The following THTPA variants were observed in gnomAD, a reference collection of about 807,000 sequenced individuals.
THTPA encodes the protein thiamine-triphosphatase.
A neutral mutation model predicts 16.5 loss-of-function variants in THTPA; 16 were observed. That is an observed-to-expected ratio of 0.97 (90% CI 0.66 to 1.47). The LOEUF (loss-of-function observed/expected upper bound fraction) is 1.47, where lower values mean the gene tolerates loss of function less well. THTPA is among the 40% of genes most tolerant of loss of function. The pLI is 0.00. For synonymous variants in THTPA, 110 were observed against 115.5 expected (o/e 0.95, Z 0.30); for missense variants, 281 against 280.9 (o/e 1.00, Z 0.00).
chr14:23,520,134 G>A, the THTPA span, among the ~76,000 whole-genome samples: 2 of 152,108 alleles, frequency 1.3e-5, no homozygotes, highest in African/African-American at 4.8e-5. The surrounding 1 kb of genome is among the most constrained non-coding windows in gnomAD (Gnocchi z 8.7). Flanking sequence ...GGTTCCCTTG[G>A]TGATAACACC....
chr14:23,556,923 C>T lies in THTPA; in HGVS notation c.166C>T (p.Arg56Ter), dbSNP rs778817597. The T allele has an allele frequency of 6.2e-7, 1 of 1,614,032 alleles. No individual in the cohort carries two copies. Among genetic ancestry groups the T allele is most frequent in the South Asian group, 1.1e-5 (1 of 91,072 alleles). ...SLMQADHWLR[R>*]REDSGWELKC... ...CATGCAGGCTGACCACTGGCTGCGA[C>T]GACGAGAGGATAGTGGATGGGAGCT... Residue 56 changes from arginine (R) to a stop codon, truncating the protein, a stop_gained, in exon 1 of 2, where the codon CGA becomes TGA. Coordinates refer to ENST00000288014, the MANE Select transcript of THTPA (RefSeq NM_024328.6). LOFTEE classifies it high-confidence loss of function.
upstream of THTPA, chr14:23,556,054 G>T (rs1595210855): frequency 6.6e-6 from 1 of 152,502 alleles, no homozygotes; most frequent in African/African-American, 2.4e-5. Flanking sequence ...CAGCCCCCGG[G>T]AGCCGTGCGG....
the THTPA span, chr14:23,524,828 G>A: frequency 6.5e-7 from 1 of 1,536,746 alleles, no homozygotes. The surrounding 1 kb of genome is among the most constrained non-coding windows in gnomAD (Gnocchi z 5.6). Flanking sequence ...CCCTCTCTCT[G>A]CCTCTTCCTC....
the THTPA span, chr14:23,531,778 G>T: frequency 7.8e-7 from 1 of 1,274,448 alleles, no homozygotes; most frequent in Non-Finnish European, 9.9e-7. Flanking sequence ...AGACCTCAGG[G>T]GACTTTTTTT....
At chr14:23,522,349 G>A in the THTPA span, 29 of 1,535,554 alleles carry the variant, frequency 1.9e-5, no homozygotes, top group Middle Eastern at 1.7e-4. Flanking sequence ...TTACATCCAC[G>A]GTGGAGATGC....
the THTPA span, chr14:23,526,618 T>G: frequency 5.9e-6 from 9 of 1,535,768 alleles, no homozygotes; most frequent in South Asian, 1.1e-4. Flanking sequence ...GGACCTCAAC[T>G]GAGGCCAGGG....
chr14:23,525,444 C>G, the THTPA span: 2 of 1,536,122 alleles, frequency 1.3e-6, no homozygotes, highest in South Asian at 2.4e-5. This position sits in a 1 kb window ranked among gnomAD's most constrained non-coding sequence, Gnocchi z 5.9. Context: ...TGGACATGTT[C>G]CTCGTGTGTC....
At chr14:23,523,258 T>C in the THTPA span, 1 of 1,436,088 alleles carries the variant, frequency 7.0e-7, no homozygotes, top group Non-Finnish European at 9.1e-7. This position sits in a 1 kb window ranked among gnomAD's most constrained non-coding sequence, Gnocchi z 4.1. Flanking sequence ...CTGGGCCAGA[T>C]AAGAGGACCG....
At chr14:23,538,240 A>G in the THTPA span, 1 of 151,630 alleles carries the variant, frequency 6.6e-6, no homozygotes, top group Non-Finnish European at 1.5e-5. Flanking sequence ...TCTCTTCCCC[A>G]CCTCCCAACC....
At chr14:23,544,014 G>A in the THTPA span, 1 of 152,194 alleles carries the variant, frequency 6.6e-6, no homozygotes, top group Non-Finnish European at 1.5e-5. Flanking sequence ...CACTTTGGGA[G>A]GCCGAGGTGG....
chr14:23,530,420 AG>A, the THTPA span: 1 of 608,000 alleles, frequency 1.6e-6, no homozygotes, highest in Non-Finnish European at 2.9e-6. Context: ...CATTTTATTA[AG>A]AGTCCAGTTC....
the THTPA span, chr14:23,527,821 G>T: frequency 6.5e-7 from 1 of 1,534,794 alleles, no homozygotes; most frequent in Non-Finnish European, 8.7e-7. Context: ...GGAACATATG[G>T]GCAGTGGACG....
At position 23,558,735 on chromosome 14, in the gene THTPA, G is replaced by T; in HGVS notation, c.588G>T (p.Val196=). 6.2e-7 allele frequency: 1 copy of T among 1,614,214 alleles called. No individual in the cohort carries two copies. The highest frequency in any genetic ancestry group is 1.3e-5 in the African/African-American group (1 of 75,046). The change falls in exon 2 of 2, where the codon GTG becomes GTT. Residue 196 remains valine, a synonymous_variant. Transcript: ENST00000288014. The part of the protein sequence containing the change: ...AQETAPAKLI[V]YLQRFRPQDY... ...AGACAGCACCAGCCAAGCTGATTGT[G>T]TATCTACAGCGTTTCCGGCCTCAAG...
chr14:23,519,396 T>C, the THTPA span, among the ~76,000 whole-genome samples: 1 of 152,186 alleles, frequency 6.6e-6, no homozygotes, highest in Non-Finnish European at 1.5e-5. Flanking sequence ...TCTTCTTTCC[T>C]CAGATACATG....
the THTPA span, among the ~76,000 whole-genome samples, chr14:23,544,720 T>G: frequency 6.6e-6 from 1 of 152,168 alleles, no homozygotes; most frequent in African/African-American, 2.4e-5. Flanking sequence ...ACACTCTCGC[T>G]GCCTCTAATG....
the THTPA span, among the ~76,000 whole-genome samples, chr14:23,516,884 T>C: frequency 2.0e-5 from 3 of 152,194 alleles, no homozygotes; most frequent in Admixed American, 2.0e-4. Flanking sequence ...CTTGTAGATA[T>C]GGGGCAGTGC....
the THTPA span, among the ~76,000 whole-genome samples, chr14:23,541,750 C>T: frequency 1.3e-5 from 2 of 152,194 alleles, no homozygotes; most frequent in African/African-American, 2.4e-5. Flanking sequence ...TCTGGCCTTT[C>T]CCTGCATGTC....
the THTPA span, chr14:23,531,805 T>C: frequency 8.0e-7 from 1 of 1,257,494 alleles, no homozygotes; most frequent in Non-Finnish European, 1.0e-6. Flanking sequence ...CTAGAGAGAG[T>C]CTTGCCCTGT....
the THTPA span, among the ~76,000 whole-genome samples, chr14:23,546,568 G>A: frequency 7.2e-5 from 11 of 152,150 alleles, no homozygotes; most frequent in Admixed American, 2.6e-4. This position sits in a 1 kb window ranked among gnomAD's most constrained non-coding sequence, Gnocchi z 4.7. Context: ...ATTACCCTAC[G>A]GGGCTGGAAG....
Sources: allele counts gnomAD v4.1 joint callset (sites outside exome capture counted in the v4.1 genomes callset), GRCh38; gene constraint gnomAD v4.1.1; non-coding constraint Gnocchi (gnomAD v3.1); transcripts MANE v1.5; gene names NCBI Gene and HGNC (gene_info 2026-07-23, HGNC 2026-07-21).